ASH1L: variants seen among roughly 807,000 people sequenced by gnomAD.
The protein encoded by ASH1L is histone-lysine N-methyltransferase ASH1L.
Under a neutral mutation model 269.0 loss-of-function variants are expected in ASH1L, and 23 were observed. The ratio of observed to expected loss-of-function variants is 0.09; its 90% CI spans 0.06 to 0.12. ASH1L has a LOEUF of 0.12. Ranked by LOEUF, ASH1L falls within the 10% of genes least tolerant of loss-of-function variation. The probability of loss-of-function intolerance (pLI) is 1.00; values close to 1 mark genes in which losing one functional copy is unlikely to be tolerated. For missense variants in ASH1L, 2,912 were observed against 3,567.8 expected, an observed-to-expected ratio of 0.82 and a Z score of 4.68; for synonymous variants, 1,187 against 1,253.5, an observed-to-expected ratio of 0.95 and a Z score of 1.12.
intron 6 of ASH1L, among the ~76,000 whole-genome samples, chr1:155,398,177 G>A (rs1048028535): frequency 1.3e-5 from 2 of 152,096 alleles, no homozygotes; most frequent in African/African-American, 4.8e-5. Context: ...TCACTCAAAC[G>A]CAGATATATG....
intron 2 of ASH1L, among the ~76,000 whole-genome samples, chr1:155,501,142 AT>A (rs776298313): frequency 6.6e-6 from 1 of 152,238 alleles, no homozygotes; most frequent in Non-Finnish European, 1.5e-5. Context: ...GGGGTAAGTC[AT>A]TAAGATGTGT....
At chr1:155,392,386 C>T (rs1241027079) in intron 7 of ASH1L, among the ~76,000 whole-genome samples, 6 of 152,192 alleles carry the variant, frequency 3.9e-5, no homozygotes, top group African/African-American at 1.4e-4. Flanking sequence ...TGCTTCTCCT[C>T]TTCTAATTAT....
Position 155,485,250 on chromosome 1 carries a change from C to T in ASH1L, c.421-2801G>A, listed in dbSNP as rs546518746. 1.2e-3 allele frequency among the ~76,000 whole-genome samples: 76 copies of T among 64,792 alleles called. 2 individuals are homozygous for T. The East Asian group carries it at 0.02, about 17-fold the overall frequency. The allele number at this position is 64,792 out of a possible 152,430, so 42.5% of individuals were successfully genotyped here. ...CAGCCTGGGCGAAAGAGCGAGATTCCGTCTCAAAAAAAAAAAAAAACCCAA... is the reference window on the plus strand; with the variant it reads ...CAGCCTGGGCGAAAGAGCGAGATTCTGTCTCAAAAAAAAAAAAAAACCCAA... On this transcript the variant is annotated intron_variant, in intron 2 of 27. Coordinates refer to ENST00000392403, the MANE Select transcript of ASH1L (RefSeq NM_018489.3).
intron 12 of ASH1L, among the ~76,000 whole-genome samples, chr1:155,368,923 T>A (rs369112551): frequency 1.3e-5 from 2 of 152,278 alleles, no homozygotes; most frequent in East Asian, 3.9e-4. Context: ...AAACATGTTT[T>A]TAACAAAAAA....
intron 7 of ASH1L, among the ~76,000 whole-genome samples, chr1:155,385,075 T>TC (rs397797609): frequency 3.3e-5 from 5 of 152,006 alleles, no homozygotes; most frequent in Admixed American, 1.3e-4. Flanking sequence ...TATTTTTTTT[T>TC]CTGGTTCAAT....
Position 155,438,541 on chromosome 1 carries a change from A to G in ASH1L, c.5614T>C (p.Phe1872Leu). 1 of 1,613,556 alleles carries G rather than the reference A, an allele frequency of 6.2e-7. No individual in the cohort carries two copies. The highest frequency in any genetic ancestry group is 8.5e-7 in the Non-Finnish European group (1 of 1,179,822). ...TCTCTGTTCAATTCTGGGTTGACAAACTGAGCAGCCTGGAATGCTTGCATT... is the reference window on the plus strand; with the variant it reads ...TCTCTGTTCAATTCTGGGTTGACAAGCTGAGCAGCCTGGAATGCTTGCATT... ...VSMQAFQAAQ[F>L]VNPELNRDEE... The change falls in exon 5 of 28, where the codon TTT becomes CTT. Residue 1872 changes from phenylalanine to leucine, a missense_variant. Phe to Leu is a conservative substitution (Grantham distance 22, BLOSUM62 0). This residue lies in a region of ASH1L where 789 missense variants were observed against 897.6 expected (regional missense o/e 0.88). Coordinates refer to ENST00000392403, the MANE Select transcript of ASH1L (RefSeq NM_018489.3).
At chr1:155,426,872 G>C (rs2148581844) in intron 5 of ASH1L, among the ~76,000 whole-genome samples, 1 of 152,164 alleles carries the variant, frequency 6.6e-6, no homozygotes, top group South Asian at 2.1e-4. Context: ...TAATCAACTG[G>C]GAGTTGATTT....
intron 4 of ASH1L, among the ~76,000 whole-genome samples, chr1:155,452,927 T>G (rs1212762434): frequency 6.6e-6 from 1 of 152,182 alleles, no homozygotes; most frequent in Non-Finnish European, 1.5e-5. Flanking sequence ...AGAGTTCAAA[T>G]GTCTCATGCC....
chr1:155,441,621 C>T (rs866998500), intron 4 of ASH1L, among the ~76,000 whole-genome samples: 5 of 151,612 alleles, frequency 3.3e-5, no homozygotes, highest in Non-Finnish European at 7.4e-5. Flanking sequence ...CAGCATCACA[C>T]CTGGCTAATT....
chr1:155,428,826 G>A (rs1018091577), intron 5 of ASH1L, among the ~76,000 whole-genome samples: 2 of 152,326 alleles, frequency 1.3e-5, no homozygotes, highest in South Asian at 2.1e-4. Context: ...AATATCTATA[G>A]AAACAATGCT....
chr1:155,427,229 G>A (rs906361924), intron 5 of ASH1L, among the ~76,000 whole-genome samples: 21 of 151,310 alleles, frequency 1.4e-4, no homozygotes, highest in Admixed American at 4.0e-4. Context: ...TCACCTCCAA[G>A]GTTCTAGCAA....
At chr1:155,430,053 G>A (rs1266603933) in intron 5 of ASH1L, among the ~76,000 whole-genome samples, 2 of 151,650 alleles carry the variant, frequency 1.3e-5, no homozygotes, top group Admixed American at 1.3e-4. Context: ...TCAGCTCACT[G>A]CAACCTCCGC....
At chr1:155,350,868 C>G (rs1653840251) in intron 17 of ASH1L, among the ~76,000 whole-genome samples, 1 of 144,324 alleles carries the variant, frequency 6.9e-6, no homozygotes, top group Non-Finnish European at 1.5e-5. Flanking sequence ...TTGCAGTGAA[C>G]AGAGATTGTG....
chr1:155,415,888 G>A lies in ASH1L; in HGVS notation c.5864C>T (p.Ser1955Phe), dbSNP rs756431044. Residue 1955 changes from serine (S) to phenylalanine (F), a missense_variant, in exon 6 of 28, where the codon TCT becomes TTT. Physicochemically the swap from Ser to Phe is radical, Grantham distance 155. Coordinates refer to ENST00000392403, the MANE Select transcript of ASH1L (RefSeq NM_018489.3). Reference sequence around the variant, plus strand: ...TTCAGAAGGTTTAGCTGGGGTTTCAGAAGGACTGGGAATCTCAACTGGTGC... The same window carrying A: ...TTCAGAAGGTTTAGCTGGGGTTTCAAAAGGACTGGGAATCTCAACTGGTGC... ...NEAPVEIPSPSETPAKPSEPE... is the reference protein window; with the variant it reads ...NEAPVEIPSPFETPAKPSEPE... The A allele has an allele frequency of 1.9e-6, 3 of 1,603,100 alleles. No individual in the cohort carries two copies. Among genetic ancestry groups the A allele is most frequent in the Non-Finnish European group, 2.6e-6 (3 of 1,175,712 alleles).
chr1:155,363,574 T>G (rs1655151097), intron 12 of ASH1L, among the ~76,000 whole-genome samples: 1 of 151,880 alleles, frequency 6.6e-6, no homozygotes, highest in South Asian at 2.1e-4. Context: ...ATACCAGGAG[T>G]TGGCAAACTG....
chr1:155,394,329 C>T (rs1455227457), intron 7 of ASH1L, among the ~76,000 whole-genome samples: 2 of 152,172 alleles, frequency 1.3e-5, no homozygotes, highest in African/African-American at 4.8e-5. Context: ...GGAACCAGAT[C>T]ATTCAAGTCA....
chr1:155,452,727 A>G (rs1041746616), intron 4 of ASH1L, among the ~76,000 whole-genome samples: 1 of 150,690 alleles, frequency 6.6e-6, no homozygotes, highest in Non-Finnish European at 1.5e-5. Flanking sequence ...GCTAATTTAT[A>G]TGTGTTTTTA....
chr1:155,486,852 GT>G (rs1666360390), intron 2 of ASH1L, among the ~76,000 whole-genome samples: 1 of 149,612 alleles, frequency 6.7e-6, no homozygotes, highest in African/African-American at 2.5e-5. Flanking sequence ...ATGTATTACA[GT>G]TTAAAAAAAA....
intron 12 of ASH1L, among the ~76,000 whole-genome samples, chr1:155,362,498 T>C (rs553364280): frequency 6.6e-6 from 1 of 152,138 alleles, no homozygotes; most frequent in South Asian, 2.1e-4. Flanking sequence ...AACAATTATA[T>C]AAAAATATGT....
Sources: allele counts gnomAD v4.1 joint callset (sites outside exome capture counted in the v4.1 genomes callset), GRCh38; gene constraint gnomAD v4.1.1; regional missense constraint gnomAD v4.1.1; transcripts MANE v1.5; gene names NCBI Gene and HGNC (gene_info 2026-07-23, HGNC 2026-07-21).